LPIN1: variants seen among roughly 807,000 people sequenced by gnomAD.
LPIN1 encodes phosphatidate phosphatase LPIN1.
Under a neutral mutation model 107.5 loss-of-function variants are expected in LPIN1, and 71 were observed. The ratio of observed to expected loss-of-function variants is 0.66; its 90% confidence interval spans 0.55 to 0.80. LPIN1 has a LOEUF of 0.80. LPIN1 is among the 30% of genes least tolerant of loss of function. The pLI is 0.00. For missense variants in LPIN1, 1,043 were observed against 1,160.6 expected (o/e 0.90, Z 1.47); for synonymous variants, 445 against 452.6 (o/e 0.98, Z 0.21).
intron 1 of LPIN1, among the ~76,000 whole-genome samples, chr2:11,757,492 A>G (rs1190077949): frequency 6.6e-6 from 1 of 152,182 alleles, no homozygotes; most frequent in African/African-American, 2.4e-5. Flanking sequence ...TTGGGAATTT[A>G]TGCCCAGCTG....
chr2:11,772,700 T>C (rs1333523056), intron 4 of LPIN1, among the ~76,000 whole-genome samples: 1 of 152,244 alleles, frequency 6.6e-6, no homozygotes, highest in Non-Finnish European at 1.5e-5. Context: ...TATGTATTAC[T>C]ATTTTGGTGA....
At chr2:11,755,436 C>T (rs1413264821) in intron 1 of LPIN1, among the ~76,000 whole-genome samples, 1 of 152,102 alleles carries the variant, frequency 6.6e-6, no homozygotes, top group Non-Finnish European at 1.5e-5. Flanking sequence ...GCAGGTACCG[C>T]GTCAGAAATG....
rs1672423568 is a variant in LPIN1 at position 11,774,944 on chromosome 2, A to G, written c.723-1142A>G. The stretch of plus-strand genomic sequence containing the variant: ...CTCCATATGTAATTTTAAGATTTCC[A>G]GTAGCCCTATTTTTAAAAAGTAAAA... On this transcript the variant is annotated intron_variant, in intron 5 of 20. Coordinates refer to ENST00000674199, the MANE Select transcript of LPIN1 (RefSeq NM_001349206.2). The surrounding 1 kb of genome is among the most constrained non-coding windows in gnomAD (Gnocchi z 4.4). 6.6e-6 allele frequency among the ~76,000 whole-genome samples: 1 copy of G among 151,850 alleles called. No individual in the cohort carries two copies.
intron 1 of LPIN1, among the ~76,000 whole-genome samples, chr2:11,749,500 A>AC (rs1411512204): frequency 2.0e-5 from 3 of 151,616 alleles, no homozygotes; most frequent in Non-Finnish European, 4.4e-5. Flanking sequence ...CCTGTAATTC[A>AC]CCCCAACAAG....
Position 11,786,230 on chromosome 2 carries a change from T to G in LPIN1, c.1550-844T>G, listed in dbSNP as rs1674552444. On this transcript the variant is annotated intron_variant, in intron 10 of 20. Transcript: ENST00000674199. This position sits in a 1 kb window ranked among gnomAD's most constrained non-coding sequence, Gnocchi z 4.1. ...TGATTAGGGCTCTGAGGGTGCATGTTGAAGCCAGTCAGGCTGGCATCAAGA... is the reference window on the plus strand; with the variant it reads ...TGATTAGGGCTCTGAGGGTGCATGTGGAAGCCAGTCAGGCTGGCATCAAGA... Among the ~76,000 whole-genome samples, 1 of 152,122 alleles carries G rather than the reference T, an allele frequency of 6.6e-6. No individual in the cohort carries two copies. The highest frequency in any genetic ancestry group is 6.5e-5 in the Admixed American group (1 of 15,286).
At chr2:11,716,128 C>T (rs1003173236) in intron 2 of LPIN1, among the ~76,000 whole-genome samples, 2 of 152,098 alleles carry the variant, frequency 1.3e-5, no homozygotes, top group African/African-American at 2.4e-5. Context: ...CTGGAAACAC[C>T]GAACTGCAGT....
chr2:11,705,783 T>C (rs907261700), intron 1 of LPIN1, among the ~76,000 whole-genome samples: 1 of 152,196 alleles, frequency 6.6e-6, no homozygotes, highest in South Asian at 2.1e-4. Context: ...GCATGCTTTT[T>C]TTATATTTAC....
At chr2:11,804,954 CAGAA>C in intron 16 of LPIN1, 112 bp from the exon 17 acceptor site, 1 of 739,874 alleles carries the variant, frequency 1.4e-6, no homozygotes, top group Non-Finnish European at 2.3e-6. Context: ...GCTTTCTATC[CAGAA>C]AGAAAGTTGT....
intron 1 of LPIN1, among the ~76,000 whole-genome samples, chr2:11,686,332 G>T (rs1661999951): frequency 6.6e-6 from 1 of 152,190 alleles, no homozygotes; most frequent in African/African-American, 2.4e-5. Flanking sequence ...CAGCGTGGGT[G>T]GGATGTGCCT....
At chr2:11,735,991 AC>A (rs1411489203) in intron 1 of LPIN1, among the ~76,000 whole-genome samples, 5 of 152,056 alleles carry the variant, frequency 3.3e-5, no homozygotes, top group African/African-American at 1.2e-4. Context: ...CTTTGCAGAA[AC>A]CTGATTTTAT....
At chr2:11,772,595 ACTTTTTC>A (rs1265675387) in intron 4 of LPIN1, among the ~76,000 whole-genome samples, 2 of 152,210 alleles carry the variant, frequency 1.3e-5, no homozygotes, top group Admixed American at 6.5e-5. Flanking sequence ...CTATAAGCCA[ACTTTTTC>A]CTTTTTAATT....
chr2:11,799,770 T>G (rs1677363687), intron 14 of LPIN1, among the ~76,000 whole-genome samples: 1 of 152,080 alleles, frequency 6.6e-6, no homozygotes, highest in Non-Finnish European at 1.5e-5. Flanking sequence ...GTGGATGTGA[T>G]TCAGTTGTTC....
intron 1 of LPIN1, chr2:11,677,764 C>A (rs1661504491): frequency 6.0e-6 from 9 of 1,492,408 alleles, no homozygotes; most frequent in Middle Eastern, 1.7e-4. Flanking sequence ...GCAAACACAG[C>A]CCCTGCTCTT....
At chr2:11,703,341 C>T (rs13407243) in intron 1 of LPIN1, among the ~76,000 whole-genome samples, 24,157 of 152,018 alleles carry the variant, frequency 0.16, 2,144 homozygotes, top group East Asian at 0.3. Context: ...TCATAGTGAC[C>T]AATCCTAGGC....
intron 6 of LPIN1, among the ~76,000 whole-genome samples, chr2:11,778,825 A>C (rs888294217): frequency 3.3e-5 from 5 of 152,238 alleles, no homozygotes; most frequent in African/African-American, 1.2e-4. Context: ...GGGCAGAAGT[A>C]AGACCTTGTT....
intron 1 of LPIN1, chr2:11,681,327 G>T (rs1019000369): frequency 2.6e-5 from 4 of 152,284 alleles, no homozygotes; most frequent in East Asian, 1.9e-4. Context: ...TGGAGGAAAG[G>T]TTTGGTGGGA....
At chr2:11,794,672 T>TC (rs1487471374) in intron 13 of LPIN1, among the ~76,000 whole-genome samples, 1 of 152,192 alleles carries the variant, frequency 6.6e-6, no homozygotes, top group Non-Finnish European at 1.5e-5. Flanking sequence ...TCACCCTCGG[T>TC]CCCTTGGCAT....
chr2:11,695,414 G>C (rs530349128), intron 1 of LPIN1, among the ~76,000 whole-genome samples: 5 of 152,272 alleles, frequency 3.3e-5, no homozygotes, highest in Admixed American at 6.5e-5. Context: ...GATTTTGGAG[G>C]AAAGGAGTTG....
At chr2:11,783,998 T>G in intron 9 of LPIN1, 76 bp downstream of exon 9, 1 of 1,608,600 alleles carries the variant, frequency 6.2e-7, no homozygotes, top group Admixed American at 1.7e-5. Context: ...TTTCCCCTTA[T>G]GTTTGATTAG....
Sources: allele counts gnomAD v4.1 joint callset (sites outside exome capture counted in the v4.1 genomes callset), GRCh38; gene constraint gnomAD v4.1.1; non-coding constraint Gnocchi (gnomAD v3.1); transcripts MANE v1.5; gene names NCBI Gene and HGNC (gene_info 2026-07-23, HGNC 2026-07-21).